The following SEMA4D variants were observed in gnomAD, a reference collection of about 807,000 sequenced individuals.
SEMA4D encodes semaphorin 4D.
Under a neutral mutation model 74.8 loss-of-function variants are expected in SEMA4D, and 22 were observed. That is an observed-to-expected ratio of 0.29 (90% CI 0.21 to 0.42). The LOEUF is 0.42. Ranked by LOEUF, SEMA4D falls within the 10% of genes least tolerant of loss-of-function variation. The pLI, the probability that SEMA4D is intolerant of heterozygous loss-of-function variation, is 1.00. For synonymous variants in SEMA4D, 445 were observed against 463.7 expected (o/e 0.96, Z 0.52); for missense variants, 937 against 1,118.4 (o/e 0.84, Z 2.31).
intron 16 of SEMA4D, chr9:89,367,496 A>T (rs1410753185): frequency 6.6e-6 from 1 of 152,274 alleles, no homozygotes; most frequent in Non-Finnish European, 1.5e-5. Flanking sequence ...GGCTGGTCTG[A>T]TGCTGTGGGG....
intron 2 of SEMA4D, among the ~76,000 whole-genome samples, chr9:89,406,812 C>T (rs1433305991): frequency 6.6e-6 from 1 of 152,216 alleles, no homozygotes; most frequent in Non-Finnish European, 1.5e-5. Context: ...CCACTCCTCC[C>T]TACCACCTCC....
intron 7 of SEMA4D, among the ~76,000 whole-genome samples, chr9:89,393,156 T>C (rs1011208380): frequency 2.0e-5 from 3 of 152,268 alleles, no homozygotes; most frequent in Admixed American, 6.5e-5. Context: ...TAAGTAAACA[T>C]GAGCAAGGAA....
intron 2 of SEMA4D, among the ~76,000 whole-genome samples, chr9:89,435,707 C>A (rs529825281): frequency 1.3e-5 from 2 of 152,312 alleles, no homozygotes; most frequent in South Asian, 4.1e-4. Flanking sequence ...CCTACAGGCT[C>A]CACCTACGCC....
chr9:89,389,613 T>C (rs1173296867), intron 9 of SEMA4D, among the ~76,000 whole-genome samples: 1 of 152,226 alleles, frequency 6.6e-6, no homozygotes, highest in African/African-American at 2.4e-5. Flanking sequence ...TTATAAACGC[T>C]TTTCAGGGAT....
At chr9:89,460,178 G>A (rs914751165) in intron 1 of SEMA4D, among the ~76,000 whole-genome samples, 7 of 152,178 alleles carry the variant, frequency 4.6e-5, no homozygotes, top group African/African-American at 1.7e-4. Context: ...CTTCGCTTCT[G>A]TCCTTCTCCA....
At position 89,396,778 on chromosome 9, in the gene SEMA4D, C is replaced by G; in HGVS notation, c.373G>C (p.Val125Leu). ...GGCTGGAATGCGTTGGTCCCACACACGTAAAGGGAAGTGGCGCTGAGTGGC... is the reference window on the plus strand; with the variant it reads ...GGCTGGAATGCGTTGGTCCCACACAGGTAAAGGGAAGTGGCGCTGAGTGGC... ...LQPLSATSLYVCGTNAFQPAC... is the reference protein window; with the variant it reads ...LQPLSATSLYLCGTNAFQPAC... The change falls in exon 6 of 16, where the codon GTG (valine) becomes CTG (leucine). Residue 125 changes from valine to leucine, a missense_variant. By Grantham distance (32) the Val-to-Leu change is conservative (BLOSUM62 1). Coordinates refer to ENST00000422704, the MANE Select transcript of SEMA4D (RefSeq NM_001371194.2). 6.2e-7 allele frequency: 1 copy of G among 1,614,018 alleles called. No individual in the cohort carries two copies. Among genetic ancestry groups the G allele is most frequent in the South Asian group, 1.1e-5 (1 of 91,026 alleles).
In SEMA4D at chr9:89,370,108, AGT is replaced by A. The variant is rs772307049; in HGVS notation, c.1883-6160_1883-6159del. ...TGGGGGTGGTTTTAGGTGTGTGTACAGTGTGTGTGTGTGGTGTGTGTTGGTAT... is the reference window on the plus strand; with the variant it reads ...TGGGGGTGGTTTTAGGTGTGTGTACAGTGTGTGTGTGGTGTGTGTTGGTAT... On this transcript the variant is annotated intron_variant, in intron 16 of 18. Coordinates refer to the SEMA4D transcript ENST00000339861. Among the ~76,000 whole-genome samples the A allele has an allele frequency of 4.2e-3, 628 of 149,168 alleles. 9 individuals are homozygous for A. The highest frequency in any genetic ancestry group is 0.013 in the African/African-American group (535 of 40,460).
At chr9:89,473,879 A>G (rs567382873) in intron 1 of SEMA4D, among the ~76,000 whole-genome samples, 3 of 152,162 alleles carry the variant, frequency 2.0e-5, no homozygotes, top group South Asian at 4.1e-4. Flanking sequence ...ACAAACAAAA[A>G]AACAAAAAGA....
intron 2 of SEMA4D, among the ~76,000 whole-genome samples, chr9:89,413,519 C>T (rs950299874): frequency 6.6e-6 from 1 of 152,120 alleles, no homozygotes; most frequent in Non-Finnish European, 1.5e-5. Context: ...TGCACATGAA[C>T]CCGCATAGAT....
rs1564516062 is a variant in SEMA4D, at chr9:89,377,469, G to A, written c.*1235C>T. 6.4e-6 allele frequency: 1 copy of A among 157,016 alleles called. No homozygotes were observed. Among genetic ancestry groups the A allele is most frequent in the African/African-American group, 2.4e-5 (1 of 41,544 alleles). The allele number at this position is 157,016 out of a possible 1,614,324, so 9.7% of individuals were successfully genotyped here. ...ATGGGTATTTACAAAGCGGGGAGATGGAGTGTGAAATTAACCAGTGTTGAA... is the reference window on the plus strand; with the variant it reads ...ATGGGTATTTACAAAGCGGGGAGATAGAGTGTGAAATTAACCAGTGTTGAA... On this transcript the variant is annotated 3_prime_UTR_variant, in exon 16 of 16. Coordinates refer to ENST00000422704, the MANE Select transcript of SEMA4D (RefSeq NM_001371194.2).
intron 2 of SEMA4D, among the ~76,000 whole-genome samples, chr9:89,408,003 T>C (rs1843679882): frequency 6.6e-6 from 1 of 152,212 alleles, no homozygotes; most frequent in Non-Finnish European, 1.5e-5. Flanking sequence ...GGTTTCTACA[T>C]AGGCTCCCAA....
intron 2 of SEMA4D, among the ~76,000 whole-genome samples, chr9:89,452,232 GCAGTGGC>G (rs1287887202): frequency 6.8e-6 from 1 of 147,620 alleles, no homozygotes. Context: ...AGGCTGGAGT[GCAGTGGC>G]GCAATCTCGG....
At chr9:89,383,836 G>C (rs1837758821) in intron 13 of SEMA4D, among the ~76,000 whole-genome samples, 1 of 152,198 alleles carries the variant, frequency 6.6e-6, no homozygotes, top group South Asian at 2.1e-4. Flanking sequence ...CCCGCTGAGA[G>C]CAAGCCTGTC....
chr9:89,374,146 TA>T (rs1439969200), downstream of SEMA4D, among the ~76,000 whole-genome samples: 1 of 152,120 alleles, frequency 6.6e-6, no homozygotes, highest in African/African-American at 2.4e-5. Flanking sequence ...GGAGAGAAAG[TA>T]AAGACCACGT....
intron 2 of SEMA4D, among the ~76,000 whole-genome samples, chr9:89,414,964 G>A (rs925588366): frequency 5.3e-5 from 8 of 152,232 alleles, no homozygotes; most frequent in Non-Finnish European, 7.3e-5. Context: ...GACAGAGGGC[G>A]GTGGGAGTGA....
chr9:89,484,417 G>A lies in SEMA4D; in HGVS notation c.-310+13502C>T, dbSNP rs957081653. ...TTATGTGTGGGGTTTGATGTGTGGT[G>A]TGTGTGGTGTGTATGTGTACAGTGT... On this transcript the variant is annotated intron_variant, in intron 1 of 15. Transcript: ENST00000422704. This position sits in a 1 kb window ranked among gnomAD's most constrained non-coding sequence, Gnocchi z 4.1. Among the ~76,000 whole-genome samples the A allele has an allele frequency of 2.0e-5, 3 of 152,214 alleles. No homozygotes were observed. Among genetic ancestry groups the A allele is most frequent in the Non-Finnish European group, 1.5e-5 (1 of 67,978 alleles).
At chr9:89,433,353 C>T (rs1413328342) in intron 2 of SEMA4D, among the ~76,000 whole-genome samples, 1 of 152,160 alleles carries the variant, frequency 6.6e-6, no homozygotes, top group Non-Finnish European at 1.5e-5. Flanking sequence ...GTCGGTGGGC[C>T]ACTGCAGCAT....
At chr9:89,425,706 T>A (rs995317692) in intron 2 of SEMA4D, among the ~76,000 whole-genome samples, 1 of 152,114 alleles carries the variant, frequency 6.6e-6, no homozygotes, top group African/African-American at 2.4e-5. Context: ...TCCCCCAGTG[T>A]GCCCCACTGG....
intron 1 of SEMA4D, among the ~76,000 whole-genome samples, chr9:89,496,044 C>A (rs1470284391): frequency 1.3e-5 from 2 of 152,144 alleles, no homozygotes; most frequent in African/African-American, 4.8e-5. Context: ...TAACATCTGC[C>A]TCCAGCGGTC....
Sources: gnomAD v4.1 joint callset for allele counts (sites outside exome capture counted in the v4.1 genomes callset) on GRCh38, gnomAD v4.1.1 for gene constraint, Gnocchi (gnomAD v3.1) non-coding constraint, MANE v1.5 for transcripts, NCBI Gene and HGNC (gene_info 2026-07-23, HGNC 2026-07-21) for gene names.